NELL2: variants seen among roughly 807,000 people sequenced by gnomAD.
The protein encoded by NELL2 is neural EGFL like 2, also known as protein kinase C-binding protein NELL2.
Under a neutral mutation model 109.6 loss-of-function variants are expected in NELL2, and 41 were observed. The ratio of observed to expected loss-of-function variants is 0.37; its 90% CI spans 0.29 to 0.49. The LOEUF is 0.49. NELL2 is among the 20% of genes least tolerant of loss of function. The pLI, the probability that NELL2 is intolerant of heterozygous loss-of-function variation, is 0.98. For missense variants in NELL2, 900 were observed against 1,008.3 expected (o/e 0.89, Z 1.45); for synonymous variants, 355 against 344.7 (o/e 1.03, Z -0.33).
intron 13 of NELL2, among the ~76,000 whole-genome samples, chr12:44,638,803 A>G (rs999134701): frequency 1.3e-5 from 2 of 152,208 alleles, no homozygotes; most frequent in African/African-American, 4.8e-5. Flanking sequence ...GGCCAAATGG[A>G]TGCTCATTCT....
At chr12:44,570,966 A>G (rs1247473531) in intron 15 of NELL2, among the ~76,000 whole-genome samples, 1 of 152,218 alleles carries the variant, frequency 6.6e-6, no homozygotes, top group Non-Finnish European at 1.5e-5. Context: ...TGGAAGCTGC[A>G]CTGACAAACC....
chr12:44,573,852 T>C (rs112045780), intron 15 of NELL2, among the ~76,000 whole-genome samples: 46 of 152,312 alleles, frequency 3.0e-4, no homozygotes, highest in African/African-American at 9.9e-4. Flanking sequence ...AGATTTTAAC[T>C]GTACACAGGG....
chr12:44,610,817 T>C, intron 14 of NELL2, 31 bp downstream of exon 14: 2 of 1,612,410 alleles, frequency 1.2e-6, no homozygotes, highest in Middle Eastern at 1.7e-4. Context: ...TTATACATAA[T>C]GGAAGAGGCA....
At chr12:44,578,820 A>T (rs1238399937) in intron 15 of NELL2, among the ~76,000 whole-genome samples, 1 of 152,188 alleles carries the variant, frequency 6.6e-6, no homozygotes, top group African/African-American at 2.4e-5. Context: ...AGAGTAGTTT[A>T]TAAGGGAAAT....
chr12:44,792,881 G>A (rs115776756), intron 3 of NELL2, among the ~76,000 whole-genome samples: 2,196 of 152,220 alleles, frequency 0.014, 51 homozygotes, highest in African/African-American at 0.05. Flanking sequence ...CTAAAAATCT[G>A]TCCTACTCAA....
In NELL2 at chr12:44,555,619, A is replaced by T. The variant is rs1384501597; in HGVS notation, c.1664-22898T>A. 3.3e-5 allele frequency among the ~76,000 whole-genome samples: 5 copies of T among 152,120 alleles called. No individual in the cohort carries two copies. In the South Asian group the frequency reaches 8.3e-4, roughly 25 times the overall value. ...CAGAATTGAATCACAATAACCTTTC[A>T]ACCCATGATAAATTTCAGGCCCACT... On this transcript the variant is annotated intron_variant, in intron 15 of 19. Coordinates refer to ENST00000429094, the MANE Select transcript of NELL2 (RefSeq NM_001145108.2).
chr12:44,511,380 ACAG>A (rs1188420809), intron 19 of NELL2, among the ~76,000 whole-genome samples: 5 of 152,208 alleles, frequency 3.3e-5, no homozygotes, highest in Non-Finnish European at 5.9e-5. Flanking sequence ...GGCAGACACT[ACAG>A]CAGTTTCAAT....
chr12:44,582,338 A>G (rs1944351353), intron 15 of NELL2, among the ~76,000 whole-genome samples: 1 of 152,124 alleles, frequency 6.6e-6, no homozygotes, highest in Non-Finnish European at 1.5e-5. Context: ...AGCAGAATGG[A>G]AGCCAAAGAT....
chr12:44,666,061 T>C (rs1285016384), intron 12 of NELL2, among the ~76,000 whole-genome samples: 3 of 152,184 alleles, frequency 2.0e-5, no homozygotes, highest in African/African-American at 7.2e-5. Context: ...ACAACTTCAC[T>C]TAAAGATATG....
At chr12:44,603,983 C>A (rs1945308610) in intron 15 of NELL2, among the ~76,000 whole-genome samples, 1 of 152,100 alleles carries the variant, frequency 6.6e-6, no homozygotes, top group African/African-American at 2.4e-5. Flanking sequence ...CTCCAGCAGG[C>A]CAAATTTAGG....
rs1049469787 is a variant in NELL2 at position 44,712,846 on chromosome 12, G to A, written c.1087-1452C>T. Among the ~76,000 whole-genome samples, 9 of 151,926 alleles carry A rather than the reference G, an allele frequency of 5.9e-5. No homozygotes were observed. The East Asian group carries it at 1.7e-3, about 29-fold the overall frequency. On this transcript the variant is annotated intron_variant, in intron 10 of 19. Coordinates refer to ENST00000429094, the MANE Select transcript of NELL2 (RefSeq NM_001145108.2). ...AATATTGATTACATGTTGAAATGATGATATTTTGGATATATCGGGGAAAAC... is the reference window on the plus strand; with the variant it reads ...AATATTGATTACATGTTGAAATGATAATATTTTGGATATATCGGGGAAAAC...
chr12:44,816,046 G>C lies in NELL2; in HGVS notation c.275C>G (p.Thr92Ser). The C allele has an allele frequency of 2.5e-6, 4 of 1,613,548 alleles. No individual in the cohort carries two copies. The highest frequency in any genetic ancestry group is 3.4e-6 in the Non-Finnish European group (4 of 1,179,844). ...RNKHEFTILV[T>S]LKQTHLNSGV... is the part of the protein sequence containing the mutation. ...TGAATTTAAGTGGGTCTGTTTTAGG[G>C]TCACCAAAATAGTAAATTCATGTTT... The change falls in exon 3 of 20, where the codon ACC (threonine) becomes AGC (serine). Residue 92 changes from threonine (T) to serine (S), a missense_variant. Coordinates refer to ENST00000429094, the MANE Select transcript of NELL2 (RefSeq NM_001145108.2).
At chr12:44,595,047 T>C (rs1328360567) in intron 15 of NELL2, among the ~76,000 whole-genome samples, 1 of 152,186 alleles carries the variant, frequency 6.6e-6, no homozygotes, top group Non-Finnish European at 1.5e-5. Context: ...ATTTTTGTTG[T>C]AAATGGCCGA....
chr12:44,550,898 A>AAAGTTTCAGTTATGC, intron 15 of NELL2, among the ~76,000 whole-genome samples: 2 of 152,298 alleles, frequency 1.3e-5, no homozygotes, highest in South Asian at 2.1e-4. Context: ...TAAACTGTGC[A>AAAGTTTCAGTTATGC]AAGTTTCAGT....
chr12:44,627,790 T>G (rs1301697613), intron 13 of NELL2, among the ~76,000 whole-genome samples: 2 of 152,172 alleles, frequency 1.3e-5, no homozygotes, highest in Non-Finnish European at 2.9e-5. Flanking sequence ...CAATTCCAAC[T>G]TATGGAAAAG....
chr12:44,737,536 A>G (rs1468521201), intron 9 of NELL2, among the ~76,000 whole-genome samples: 1 of 151,984 alleles, frequency 6.6e-6, no homozygotes, highest in Non-Finnish European at 1.5e-5. Context: ...CTTTTTCTGT[A>G]ATTGGTTTTT....
chr12:44,588,039 C>T (rs998912199), intron 15 of NELL2, among the ~76,000 whole-genome samples: 17 of 151,896 alleles, frequency 1.1e-4, no homozygotes, highest in South Asian at 2.1e-4. Context: ...TAGTCCCAGC[C>T]ACTCGGGAGG....
At chr12:44,727,031 G>A (rs1266305155) in intron 9 of NELL2, among the ~76,000 whole-genome samples, 1 of 152,106 alleles carries the variant, frequency 6.6e-6, no homozygotes, top group Non-Finnish European at 1.5e-5. Context: ...AAATGTGTAT[G>A]CTGAGCAGTA....
At chr12:44,822,013 G>T (rs573312034) in intron 2 of NELL2, among the ~76,000 whole-genome samples, 1 of 151,692 alleles carries the variant, frequency 6.6e-6, no homozygotes, top group South Asian at 2.1e-4. Context: ...TGATCTGCCC[G>T]CCTCGGCCTC....
Sources: allele counts gnomAD v4.1 joint callset (sites outside exome capture counted in the v4.1 genomes callset), GRCh38; gene constraint gnomAD v4.1.1; transcripts MANE v1.5; gene names NCBI Gene and HGNC (gene_info 2026-07-23, HGNC 2026-07-21).